IMPA2: variants seen among roughly 807,000 people sequenced by gnomAD.
The protein encoded by IMPA2 is IMP 2.
A neutral mutation model predicts 35.1 loss-of-function variants in IMPA2; 32 were observed. That is an observed-to-expected ratio of 0.91 (90% CI 0.69 to 1.23). IMPA2 has a LOEUF of 1.23. Among genes scored for constraint, IMPA2 ranks in the 50% most tolerant of loss-of-function variants. The pLI is 0.00. For missense variants in IMPA2, 334 were observed against 387.6 expected (o/e 0.86, Z 1.16); for synonymous variants, 135 against 160.6 (o/e 0.84, Z 1.20).
At chr18:12,024,099 G>A (rs1907810168) in intron 5 of IMPA2, among the ~76,000 whole-genome samples, 1 of 152,192 alleles carries the variant, frequency 6.6e-6, no homozygotes, top group Non-Finnish European at 1.5e-5. Flanking sequence ...CAGGGGAATG[G>A]TGACATAAAT....
chr18:12,017,160 G>A (rs1417121369), intron 5 of IMPA2, among the ~76,000 whole-genome samples: 1 of 152,208 alleles, frequency 6.6e-6, no homozygotes, highest in Non-Finnish European at 1.5e-5. Flanking sequence ...AATTTTATTA[G>A]CTGCTTCTTC....
chr18:11,983,817 C>T (rs948741441), intron 1 of IMPA2, among the ~76,000 whole-genome samples: 1 of 152,120 alleles, frequency 6.6e-6, no homozygotes, highest in African/African-American at 2.4e-5. Context: ...TCATCGGAAC[C>T]TGTGTAAAGA....
chr18:12,003,885 C>A (rs1907184431), intron 2 of IMPA2, among the ~76,000 whole-genome samples: 1 of 152,202 alleles, frequency 6.6e-6, no homozygotes, highest in Non-Finnish European at 1.5e-5. Context: ...GATAGAAACC[C>A]CGTCCTTGTC....
At chr18:11,998,857 T>C (rs1907030125) in intron 1 of IMPA2, among the ~76,000 whole-genome samples, 197 bp from the exon 2 acceptor site, 1 of 143,770 alleles carries the variant, frequency 7.0e-6, no homozygotes, top group African/African-American at 2.6e-5. Context: ...GAGCCTAGGC[T>C]GTGATATTAG....
intron 4 of IMPA2, 79 bp downstream of exon 4, chr18:12,012,294 T>C (rs1162793286): frequency 8.1e-7 from 1 of 1,230,038 alleles, no homozygotes; most frequent in Non-Finnish European, 1.2e-6. Flanking sequence ...TCAGCCTCTG[T>C]GCGCCTGGTT....
At chr18:12,001,570 A>C (rs1907117230) in intron 2 of IMPA2, among the ~76,000 whole-genome samples, 1 of 152,218 alleles carries the variant, frequency 6.6e-6, no homozygotes, top group South Asian at 2.1e-4. Flanking sequence ...AGTTGGTTCC[A>C]TTTGTAAAAG....
At chr18:11,981,862 G>A in intron 1 of IMPA2, 97 bp downstream of exon 1, 1 of 825,778 alleles carries the variant, frequency 1.2e-6, no homozygotes, top group Non-Finnish European at 1.6e-6. Context: ...CGCAGCCGGC[G>A]GGCGCCCAGG....
chr18:12,007,792 T>G (rs1568033041), intron 2 of IMPA2, among the ~76,000 whole-genome samples: 2 of 151,376 alleles, frequency 1.3e-5, no homozygotes. Flanking sequence ...TTTTCTTTTT[T>G]TTGAGATGGA....
chr18:12,016,425 CTT>C (rs1262483020), intron 5 of IMPA2, among the ~76,000 whole-genome samples: 4 of 132,344 alleles, frequency 3.0e-5, no homozygotes, highest in African/African-American at 6.1e-5. Context: ...GATTCTGCCG[CTT>C]TTTTTTTTTT....
At chr18:11,994,605 G>A (rs762842713) in intron 1 of IMPA2, among the ~76,000 whole-genome samples, 3 of 152,186 alleles carry the variant, frequency 2.0e-5, no homozygotes, top group Non-Finnish European at 4.4e-5. Flanking sequence ...GCTTCGATAA[G>A]GTGACACAAA....
intron 2 of IMPA2, among the ~76,000 whole-genome samples, chr18:12,007,312 G>C (rs746133132): frequency 6.6e-6 from 1 of 152,234 alleles, no homozygotes; most frequent in African/African-American, 2.4e-5. Context: ...TCATGAGACT[G>C]AAGAACTGAA....
intron 6 of IMPA2, 77 bp from the exon 7 acceptor site, chr18:12,028,765 C>A (rs1359564398): frequency 6.0e-6 from 9 of 1,499,302 alleles, no homozygotes; most frequent in Non-Finnish European, 6.3e-6. Context: ...AGCCGGGGTA[C>A]CTGGCTGAAG....
At chr18:12,017,733 C>G (rs1351403411) in intron 5 of IMPA2, 1 of 333,428 alleles carries the variant, frequency 3.0e-6, no homozygotes, top group African/African-American at 2.3e-5. Flanking sequence ...GGACTACAGG[C>G]ATGCGCCACC....
At chr18:12,003,787 C>T (rs763742863) in intron 2 of IMPA2, among the ~76,000 whole-genome samples, 6 of 151,604 alleles carry the variant, frequency 4.0e-5, no homozygotes, top group Admixed American at 2.0e-4. Context: ...CTTTGTGGGG[C>T]GCCTAAACCT....
chr18:12,019,950 A>G (rs907350969), intron 5 of IMPA2, among the ~76,000 whole-genome samples: 4 of 152,162 alleles, frequency 2.6e-5, no homozygotes, highest in African/African-American at 9.7e-5. Context: ...ATCTCGGTTT[A>G]CTGCAAACTC....
At chr18:12,027,379 A>C (rs1907909206) in intron 5 of IMPA2, among the ~76,000 whole-genome samples, 1 of 152,160 alleles carries the variant, frequency 6.6e-6, no homozygotes. Context: ...CCCTGCATCC[A>C]GAGGGCTCAC....
intron 3 of IMPA2, 39 bp from the exon 4 acceptor site, chr18:12,012,131 C>A: frequency 6.2e-7 from 1 of 1,607,692 alleles, no homozygotes; most frequent in South Asian, 1.1e-5. Context: ...AGCTGCCGCT[C>A]TTGTTCCAGA....
Position 12,028,974 on chromosome 18 carries a change from C to G in IMPA2, c.732C>G (p.Gly244=). The change falls in exon 7 of 8, where the codon GGC becomes GGG. Residue 244 remains glycine, a synonymous_variant. Coordinates refer to ENST00000269159, the MANE Select transcript of IMPA2 (RefSeq NM_014214.3). The part of the protein sequence containing the change: ...AATVIIREAG[G]IVIDTSGGPL... ...CAGTCATCATCAGAGAAGCAGGCGGCATCGTGATAGACACTTCGGGTGAGC... is the reference window on the plus strand; with the variant it reads ...CAGTCATCATCAGAGAAGCAGGCGGGATCGTGATAGACACTTCGGGTGAGC... 1 of 1,613,688 alleles carries G rather than the reference C, an allele frequency of 6.2e-7. No homozygotes were observed. The highest frequency in any genetic ancestry group is 1.1e-5 in the South Asian group (1 of 91,090).
intron 2 of IMPA2, among the ~76,000 whole-genome samples, chr18:12,003,237 G>A (rs1006120768): frequency 6.6e-6 from 1 of 152,018 alleles, no homozygotes; most frequent in African/African-American, 2.4e-5. Flanking sequence ...TCTGTCACTG[G>A]CCCTAGCAGC....
Sources: gnomAD v4.1 joint callset for allele counts (sites outside exome capture counted in the v4.1 genomes callset) on GRCh38, gnomAD v4.1.1 for gene constraint, MANE v1.5 for transcripts, NCBI Gene and HGNC (gene_info 2026-07-23, HGNC 2026-07-21) for gene names.